FOXN3: variants seen among roughly 807,000 people sequenced by gnomAD.
The protein encoded by FOXN3 is forkhead box protein N3.
FOXN3 carries 7 observed loss-of-function variants against 38.4 expected under a neutral mutation model. The observed-to-expected ratio is 0.18, with a 90% CI of 0.10 to 0.34. FOXN3 has a LOEUF of 0.34. Among genes scored for constraint, FOXN3 ranks in the 10% least tolerant of loss-of-function variants. FOXN3 has a pLI of 1.00. For missense variants in FOXN3, 456 were observed against 613.4 expected (o/e 0.74, Z 2.71); for synonymous variants, 230 against 242.2 (o/e 0.95, Z 0.47).
intron 3 of FOXN3, among the ~76,000 whole-genome samples, chr14:89,299,374 C>G (rs1887148454): frequency 6.6e-6 from 1 of 152,222 alleles, no homozygotes; most frequent in Non-Finnish European, 1.5e-5. Flanking sequence ...CCTCACCAGC[C>G]ATGTAGAACT....
intron 2 of FOXN3, among the ~76,000 whole-genome samples, chr14:89,382,413 C>T (rs1330563440): frequency 6.6e-6 from 1 of 152,192 alleles, no homozygotes; most frequent in African/African-American, 2.4e-5. Context: ...GCCTGAAAGT[C>T]AAGCCCTTCC....
chr14:89,255,643 T>C (rs1274412294), intron 4 of FOXN3, among the ~76,000 whole-genome samples: 1 of 152,118 alleles, frequency 6.6e-6, no homozygotes, highest in Admixed American at 6.5e-5. Context: ...TGTTTGGCTA[T>C]GAAAGGAGGA....
chr14:89,194,020 T>C (rs1038253153), intron 4 of FOXN3, among the ~76,000 whole-genome samples: 6 of 152,228 alleles, frequency 3.9e-5, no homozygotes, highest in Non-Finnish European at 7.3e-5. Flanking sequence ...CTTTTACCCA[T>C]TTTTTAGTTA....
At chr14:89,185,883 A>T (rs1210944405) in intron 4 of FOXN3, 2 of 152,256 alleles carry the variant, frequency 1.3e-5, no homozygotes, top group Non-Finnish European at 2.9e-5. Context: ...CTCATTGTAG[A>T]TGCTATGTTC....
At chr14:89,321,728 T>C (rs115568697) in intron 3 of FOXN3, among the ~76,000 whole-genome samples, 1 of 152,190 alleles carries the variant, frequency 6.6e-6, no homozygotes, top group Non-Finnish European at 1.5e-5. Context: ...GCATTCAATT[T>C]TGTTTGTTTA....
intron 1 of FOXN3, among the ~76,000 whole-genome samples, chr14:89,477,999 C>T (rs1596290541): frequency 6.6e-6 from 1 of 152,268 alleles, no homozygotes; most frequent in Non-Finnish European, 1.5e-5. Context: ...TATTTGTCCC[C>T]ACCCAAATCT....
intron 1 of FOXN3, among the ~76,000 whole-genome samples, chr14:89,476,696 C>T (rs535729023): frequency 3.0e-4 from 46 of 152,298 alleles, no homozygotes; most frequent in Admixed American, 7.2e-4. Flanking sequence ...GGGTTGGGTC[C>T]GCCACATTTC....
At chr14:89,331,215 CCCCCAGGCCCT>C (rs1888237371) in intron 3 of FOXN3, among the ~76,000 whole-genome samples, 1 of 152,212 alleles carries the variant, frequency 6.6e-6, no homozygotes, top group Non-Finnish European at 1.5e-5. Flanking sequence ...TTCCCACCTT[CCCCCAGGCCCT>C]GGTAACCACT....
chr14:89,298,730 G>A (rs1887125098), intron 3 of FOXN3, among the ~76,000 whole-genome samples: 2 of 152,134 alleles, frequency 1.3e-5, no homozygotes, highest in Admixed American at 1.3e-4. Flanking sequence ...CTATGAGGAC[G>A]CTGTGACAAA....
At chr14:89,396,633 AC>A (rs1351940147) in intron 2 of FOXN3, among the ~76,000 whole-genome samples, 1 of 152,120 alleles carries the variant, frequency 6.6e-6, no homozygotes, top group African/African-American at 2.4e-5. Flanking sequence ...GGAGTTCAAG[AC>A]CAGCCTGGCC....
At chr14:89,465,737 T>C (rs1892965943) in intron 1 of FOXN3, among the ~76,000 whole-genome samples, 1 of 152,184 alleles carries the variant, frequency 6.6e-6, no homozygotes, top group African/African-American at 2.4e-5. Flanking sequence ...CTATGTTACA[T>C]CCTCTCCAAT....
chr14:89,506,491 G>A lies in FOXN3; in HGVS notation c.-14-94001C>T, dbSNP rs530457430. 5.7e-3 allele frequency among the ~76,000 whole-genome samples: 835 copies of A among 146,004 alleles called. 14 individuals carry two copies. Among genetic ancestry groups the A allele is most frequent in the African/African-American group, 0.02 (779 of 38,738 alleles). On this transcript the variant is annotated intron_variant, in intron 1 of 6. Transcript: ENST00000345097. Reference sequence around the variant, plus strand: ...CCCCACCCGGCCAGCCGCCCCGTCCGGGAGGGAGGTGGGGGGGTCAGCCCC... The same window carrying A: ...CCCCACCCGGCCAGCCGCCCCGTCCAGGAGGGAGGTGGGGGGGTCAGCCCC...
At chr14:89,467,651 A>G (rs1191176712) in intron 1 of FOXN3, among the ~76,000 whole-genome samples, 1 of 148,580 alleles carries the variant, frequency 6.7e-6, no homozygotes, top group Non-Finnish European at 1.5e-5. Flanking sequence ...ATGGGGTCTC[A>G]CTGTGTTGCC....
At chr14:89,504,544 A>G (rs574954362) in intron 1 of FOXN3, among the ~76,000 whole-genome samples, 1 of 152,164 alleles carries the variant, frequency 6.6e-6, no homozygotes, top group East Asian at 1.9e-4. Context: ...CAGGGGCATT[A>G]GAGAAGGCCA....
chr14:89,416,605 A>T (rs1596263273), intron 1 of FOXN3, among the ~76,000 whole-genome samples: 1 of 151,838 alleles, frequency 6.6e-6, no homozygotes, highest in South Asian at 2.1e-4. Flanking sequence ...CGCAGACAAT[A>T]CCAACTCTGT....
intron 2 of FOXN3, among the ~76,000 whole-genome samples, chr14:89,359,107 T>G (rs1889350930): frequency 6.6e-6 from 1 of 151,896 alleles, no homozygotes; most frequent in Non-Finnish European, 1.5e-5. Flanking sequence ...ACCAGCCTAG[T>G]CAACATGGTG....
chr14:89,531,214 G>A (rs796706444), intron 1 of FOXN3, among the ~76,000 whole-genome samples: 2 of 151,528 alleles, frequency 1.3e-5, no homozygotes, highest in African/African-American at 4.8e-5. Context: ...GCAGTCCCGT[G>A]GCTGTAAAGA....
chr14:89,237,948 T>TTA (rs946438391), intron 4 of FOXN3, among the ~76,000 whole-genome samples: 1 of 152,176 alleles, frequency 6.6e-6, no homozygotes, highest in Non-Finnish European at 1.5e-5. Flanking sequence ...CTCTAGCACA[T>TTA]TATGGGCACC....
chr14:89,236,552 C>T (rs1884987497), intron 4 of FOXN3, among the ~76,000 whole-genome samples: 1 of 152,224 alleles, frequency 6.6e-6, no homozygotes, highest in South Asian at 2.1e-4. Flanking sequence ...GCCAGCACCT[C>T]CTCTACCACT....
Sources: gnomAD v4.1 joint callset for allele counts (sites outside exome capture counted in the v4.1 genomes callset) on GRCh38, gnomAD v4.1.1 for gene constraint, MANE v1.5 for transcripts, NCBI Gene and HGNC (gene_info 2026-07-23, HGNC 2026-07-21) for gene names.